PRKG1: variants seen among roughly 807,000 people sequenced by gnomAD.
PRKG1 encodes the protein cGMP-dependent protein kinase 1.
A neutral mutation model predicts 88.1 loss-of-function variants in PRKG1; 35 were observed. That is an observed-to-expected ratio of 0.40 (90% CI 0.30 to 0.53). PRKG1 has a LOEUF of 0.53. PRKG1 is among the 20% of genes least tolerant of loss of function. The pLI, the probability that PRKG1 is intolerant of heterozygous loss-of-function variation, is 0.59. For missense variants in PRKG1, 540 were observed against 839.8 expected, an observed-to-expected ratio of 0.64 and a Z score of 4.41; for synonymous variants, 303 against 292.5, an observed-to-expected ratio of 1.04 and a Z score of -0.37.
At chr10:51,759,782 G>A (rs931332934) in intron 3 of PRKG1, among the ~76,000 whole-genome samples, 4 of 152,102 alleles carry the variant, frequency 2.6e-5, no homozygotes, top group East Asian at 1.9e-4. Context: ...GTATGTGTGT[G>A]TGTGTGTGTT....
chr10:51,577,470 A>G (rs1054775145), intron 3 of PRKG1, among the ~76,000 whole-genome samples: 2 of 152,022 alleles, frequency 1.3e-5, no homozygotes, highest in African/African-American at 4.8e-5. Flanking sequence ...TTTTGCATGT[A>G]TGAAAATCCT....
intron 3 of PRKG1, among the ~76,000 whole-genome samples, chr10:51,514,140 C>T (rs1841505457): frequency 6.9e-6 from 1 of 145,894 alleles, no homozygotes; most frequent in Non-Finnish European, 1.5e-5. Flanking sequence ...ATCAAATAGA[C>T]ACAATAAAAA....
chr10:52,006,947 C>T (rs1475888651), intron 5 of PRKG1, among the ~76,000 whole-genome samples: 1 of 152,046 alleles, frequency 6.6e-6, no homozygotes, highest in Non-Finnish European at 1.5e-5. Flanking sequence ...ACCCACAAGC[C>T]AGAAGACATT....
intron 7 of PRKG1, among the ~76,000 whole-genome samples, chr10:52,095,748 T>C (rs1847157903): frequency 6.6e-6 from 1 of 152,198 alleles, no homozygotes. Context: ...TGGCATCTAT[T>C]GATTGCATAT....
chr10:51,947,513 C>T (rs532577912), intron 5 of PRKG1, among the ~76,000 whole-genome samples: 11 of 149,432 alleles, frequency 7.4e-5, no homozygotes, highest in South Asian at 4.3e-4. Context: ...GAGATGAACC[C>T]GGTACCTCAG....
At chr10:51,095,009 C>T (rs893914069) in intron 1 of PRKG1, among the ~76,000 whole-genome samples, 2 of 152,136 alleles carry the variant, frequency 1.3e-5, no homozygotes, top group African/African-American at 4.8e-5. Flanking sequence ...GCTGAATCCA[C>T]ATTCCTTACT....
intron 5 of PRKG1, among the ~76,000 whole-genome samples, chr10:51,943,918 T>C (rs1388674249): frequency 5.3e-5 from 8 of 152,148 alleles, no homozygotes; most frequent in Admixed American, 4.6e-4. Context: ...AAATTCTCTT[T>C]TTTGGTTGTG....
At chr10:52,143,672 A>T (rs1408050541) in intron 8 of PRKG1, among the ~76,000 whole-genome samples, 50 of 152,132 alleles carry the variant, frequency 3.3e-4, no homozygotes, top group Non-Finnish European at 1.5e-4. Flanking sequence ...TAGTAGCCAG[A>T]CACAAGAGAA....
intron 9 of PRKG1, among the ~76,000 whole-genome samples, chr10:52,168,621 G>A (rs1229721826): frequency 6.6e-6 from 1 of 151,862 alleles, no homozygotes; most frequent in Non-Finnish European, 1.5e-5. Context: ...TTGAAGGGGT[G>A]TACATTGAAA....
At chr10:52,192,064 A>G (rs1005995702) in intron 9 of PRKG1, among the ~76,000 whole-genome samples, 1 of 152,190 alleles carries the variant, frequency 6.6e-6, no homozygotes, top group African/African-American at 2.4e-5. Flanking sequence ...GTGACAAATC[A>G]GATTTTTAAA....
intron 9 of PRKG1, among the ~76,000 whole-genome samples, chr10:52,229,856 A>C (rs1256717515): frequency 6.6e-6 from 1 of 152,150 alleles, no homozygotes; most frequent in East Asian, 1.9e-4. Context: ...ATTAAATTTA[A>C]ATTTCAAAAA....
At chr10:51,754,363 A>G (rs1020490071) in intron 3 of PRKG1, among the ~76,000 whole-genome samples, 2 of 152,334 alleles carry the variant, frequency 1.3e-5, no homozygotes, top group African/African-American at 2.4e-5. Flanking sequence ...GCAAGGAGTC[A>G]ATTAACTTCT....
intron 1 of PRKG1, among the ~76,000 whole-genome samples, chr10:51,130,490 C>A (rs1433466731): frequency 6.6e-6 from 1 of 152,210 alleles, no homozygotes; most frequent in Non-Finnish European, 1.5e-5. Flanking sequence ...TACTATCAAA[C>A]TATTTATAGT....
chr10:51,708,294 G>C (rs368488514), intron 3 of PRKG1, among the ~76,000 whole-genome samples: 1 of 151,994 alleles, frequency 6.6e-6, no homozygotes, highest in East Asian at 1.9e-4. Flanking sequence ...TAGATGAGGG[G>C]TCCACACGTA....
intron 3 of PRKG1, among the ~76,000 whole-genome samples, chr10:51,540,696 T>A (rs1842278151): frequency 6.6e-6 from 1 of 152,030 alleles, no homozygotes; most frequent in South Asian, 2.1e-4. Context: ...CTTTTCATCT[T>A]TCCAGTATAG....
At chr10:51,349,022 A>AT (rs1157625625) in intron 2 of PRKG1, among the ~76,000 whole-genome samples, 3 of 152,184 alleles carry the variant, frequency 2.0e-5, no homozygotes, top group Non-Finnish European at 4.4e-5. Flanking sequence ...ATGCTAATTA[A>AT]TCCCTTACCA....
intron 3 of PRKG1, among the ~76,000 whole-genome samples, chr10:51,802,500 A>T (rs1839198204): frequency 6.6e-6 from 1 of 152,148 alleles, no homozygotes; most frequent in Admixed American, 6.6e-5. Flanking sequence ...AGATATTTTG[A>T]TGGGCATCAG....
intron 5 of PRKG1, among the ~76,000 whole-genome samples, chr10:51,976,693 T>G (rs1843843287): frequency 6.6e-6 from 1 of 151,998 alleles, no homozygotes. Context: ...TAGTGATGGT[T>G]GTACAACTCT....
At chr10:51,541,581 G>A (rs927383830) in intron 3 of PRKG1, among the ~76,000 whole-genome samples, 1 of 151,994 alleles carries the variant, frequency 6.6e-6, no homozygotes, top group African/African-American at 2.4e-5. Context: ...AAAGAAAATG[G>A]GTAATGGTCA....
Sources: gnomAD v4.1 joint callset for allele counts (sites outside exome capture counted in the v4.1 genomes callset) on GRCh38, gnomAD v4.1.1 for gene constraint, MANE v1.5 for transcripts, NCBI Gene and HGNC (gene_info 2026-07-23, HGNC 2026-07-21) for gene names.